Variants in CNTNAP2 observed in about 807,000 individuals in gnomAD.
The protein encoded by CNTNAP2 is contactin associated protein 2, also known as contactin-associated protein-like 2.
A neutral mutation model predicts 155.2 loss-of-function variants in CNTNAP2; 98 were observed. The observed-to-expected ratio is 0.63, with a 90% confidence interval of 0.54 to 0.75. The LOEUF is 0.75. CNTNAP2 is among the 30% of genes least tolerant of loss of function. CNTNAP2 has a pLI of 0.00. For synonymous variants in CNTNAP2, 651 were observed against 631.2 expected (o/e 1.03, Z -0.47); for missense variants, 1,727 against 1,688.1 (o/e 1.02, Z -0.40).
At chr7:146,955,757 G>C (rs1227190593) in intron 3 of CNTNAP2, among the ~76,000 whole-genome samples, 1 of 152,122 alleles carries the variant, frequency 6.6e-6, no homozygotes, top group Admixed American at 6.5e-5. Context: ...GTACTGCATA[G>C]AATATGTCAT....
chr7:146,369,152 T>C (rs1172682707), intron 1 of CNTNAP2, among the ~76,000 whole-genome samples: 1 of 151,196 alleles, frequency 6.6e-6, no homozygotes, highest in Non-Finnish European at 1.5e-5. Context: ...TGGATCATTT[T>C]CCTTTGCCAG....
rs1333324170 is a variant in CNTNAP2, at chr7:148,192,536, A to C, written c.3010+20058A>C. Among the ~76,000 whole-genome samples the C allele has an allele frequency of 4.6e-5, 7 of 152,072 alleles. 1 individual carries two copies. The highest frequency in any genetic ancestry group is 1.3e-4 in the Admixed American group (2 of 15,266). ...AAAGAAAGAAATGGATGACCAAAAA[A>C]AAAAACAAAAAACAAAAAAACTCTC... On this transcript the variant is annotated intron_variant, in intron 18 of 23. Coordinates refer to ENST00000361727, the MANE Select transcript of CNTNAP2 (RefSeq NM_014141.6).
rs138399045 is a variant in CNTNAP2, at chr7:146,121,650, C to G, written c.97+4677C>G. Among the ~76,000 whole-genome samples, 118 of 152,150 alleles carry G rather than the reference C, an allele frequency of 7.8e-4. 1 individual carries two copies. Among genetic ancestry groups the G allele is most frequent in the African/African-American group, 2.8e-3 (117 of 41,494 alleles). On this transcript the variant is annotated intron_variant, in intron 1 of 23. Transcript: ENST00000361727. The stretch of plus-strand genomic sequence containing the variant: ...AAACAGCGTATATAGTAATTTTAAG[C>G]CTCAAAACCAGTGTTGTGTGAAATA...
intron 13 of CNTNAP2, among the ~76,000 whole-genome samples, chr7:147,900,807 A>T (rs1052948869): frequency 6.6e-6 from 1 of 152,122 alleles, no homozygotes; most frequent in Admixed American, 6.5e-5. Context: ...TTTTGAAATG[A>T]TGTTGTAATC....
intron 4 of CNTNAP2, among the ~76,000 whole-genome samples, chr7:147,066,394 T>A (rs970334635): frequency 1.3e-5 from 2 of 152,318 alleles, no homozygotes; most frequent in African/African-American, 4.8e-5. Context: ...TTCTCCACGC[T>A]CATGGTTGGC....
At chr7:146,758,711 C>G (rs1802034228) in intron 1 of CNTNAP2, among the ~76,000 whole-genome samples, 1 of 152,144 alleles carries the variant, frequency 6.6e-6, no homozygotes, top group Non-Finnish European at 1.5e-5. Flanking sequence ...CATGATTCAA[C>G]TACTTTCCAC....
Position 146,491,431 on chromosome 7 carries a change from G to A in CNTNAP2, c.98-282840G>A, listed in dbSNP as rs143956177. 1.4e-3 allele frequency among the ~76,000 whole-genome samples: 211 copies of A among 151,562 alleles called. 1 individual carries two copies. The highest frequency in any genetic ancestry group is 2.5e-3 in the Non-Finnish European group (173 of 67,876). On this transcript the variant is annotated intron_variant, in intron 1 of 23. Transcript: ENST00000361727. ...GGAAAATCAGAAAGTAAGTTTTATT[G>A]CCTTTAATATATTGTATTTTTTTTT...
chr7:146,225,983 T>C (rs1799286481), intron 1 of CNTNAP2, among the ~76,000 whole-genome samples: 1 of 152,192 alleles, frequency 6.6e-6, no homozygotes, highest in Non-Finnish European at 1.5e-5. Context: ...ATCCCATCAC[T>C]TAGGATTTGG....
intron 14 of CNTNAP2, among the ~76,000 whole-genome samples, chr7:147,924,796 G>C (rs1290472083): frequency 6.6e-6 from 1 of 152,070 alleles, no homozygotes; most frequent in African/African-American, 2.4e-5. Context: ...GACAGAGGGA[G>C]AGTCATCCAC....
At chr7:148,228,253 A>G (rs1032850937) in intron 19 of CNTNAP2, among the ~76,000 whole-genome samples, 2 of 152,188 alleles carry the variant, frequency 1.3e-5, no homozygotes, top group African/African-American at 4.8e-5. Flanking sequence ...TTTAAAACTC[A>G]TAACTAAGAT....
At chr7:146,822,506 C>A (rs1187331337) in intron 2 of CNTNAP2, among the ~76,000 whole-genome samples, 1 of 150,406 alleles carries the variant, frequency 6.6e-6, no homozygotes, top group Non-Finnish European at 1.5e-5. Flanking sequence ...AAAACTCAGA[C>A]ATTTGTCCCA....
intron 3 of CNTNAP2, among the ~76,000 whole-genome samples, chr7:146,952,180 C>T (rs2129228161): frequency 6.6e-6 from 1 of 152,264 alleles, no homozygotes; most frequent in African/African-American, 2.4e-5. Context: ...AGAAAAGCTA[C>T]ATGATAATCT....
chr7:147,673,646 G>A (rs1433369901), intron 13 of CNTNAP2, among the ~76,000 whole-genome samples: 1 of 152,184 alleles, frequency 6.6e-6, no homozygotes, highest in African/African-American at 2.4e-5. Context: ...CTCTGCTGCT[G>A]ATGATGTTGG....
At chr7:148,059,638 A>G (rs1168417750) in intron 15 of CNTNAP2, among the ~76,000 whole-genome samples, 1 of 150,238 alleles carries the variant, frequency 6.7e-6, no homozygotes, top group Non-Finnish European at 1.5e-5. Flanking sequence ...ATCATGCTGT[A>G]TACTTATAAT....
chr7:148,406,184 A>G (rs562583893), intron 22 of CNTNAP2, among the ~76,000 whole-genome samples: 3 of 152,006 alleles, frequency 2.0e-5, no homozygotes, highest in Non-Finnish European at 2.9e-5. Context: ...GTGAGCTGAG[A>G]TCGCGCCACT....
At chr7:146,371,900 A>G (rs1243741013) in intron 1 of CNTNAP2, among the ~76,000 whole-genome samples, 1 of 151,706 alleles carries the variant, frequency 6.6e-6, no homozygotes, top group Non-Finnish European at 1.5e-5. Context: ...GGGAGGTTGC[A>G]GTAAGCCAAG....
At chr7:146,252,149 G>A (rs1289712533) in intron 1 of CNTNAP2, among the ~76,000 whole-genome samples, 1 of 152,096 alleles carries the variant, frequency 6.6e-6, no homozygotes, top group Non-Finnish European at 1.5e-5. Flanking sequence ...GAAACCTTTT[G>A]CTTAATCATA....
intron 3 of CNTNAP2, among the ~76,000 whole-genome samples, chr7:146,843,136 C>T: frequency 7.5e-6 from 1 of 132,820 alleles, no homozygotes; most frequent in African/African-American, 3.2e-5. Context: ...CCTCAGCCTC[C>T]CCAGTAGCTG....
At chr7:147,983,899 G>C (rs753378053) in intron 15 of CNTNAP2, among the ~76,000 whole-genome samples, 3 of 152,138 alleles carry the variant, frequency 2.0e-5, no homozygotes, top group Non-Finnish European at 2.9e-5. Context: ...TAGACTCTCA[G>C]TAAATTTCTT....
Sources: allele counts gnomAD v4.1 joint callset (sites outside exome capture counted in the v4.1 genomes callset), GRCh38; gene constraint gnomAD v4.1.1; transcripts MANE v1.5; gene names NCBI Gene and HGNC (gene_info 2026-07-23, HGNC 2026-07-21).